The following PLCG2 variants were observed in gnomAD, a reference collection of about 807,000 sequenced individuals.
The protein encoded by PLCG2 is phospholipase C gamma 2, also known as 1-phosphatidylinositol 4,5-bisphosphate phosphodiesterase gamma-2.
PLCG2 carries 69 observed loss-of-function variants against 175.6 expected under a neutral mutation model. The ratio of observed to expected loss-of-function variants is 0.39; its 90% CI spans 0.32 to 0.48. The LOEUF (loss-of-function observed/expected upper bound fraction) is 0.48. Among genes scored for constraint, PLCG2 ranks in the 20% least tolerant of loss-of-function variants. The pLI, the probability that PLCG2 is intolerant of heterozygous loss-of-function variation, is 0.91. For missense variants in PLCG2, 1,798 were observed against 1,650.9 expected (o/e 1.09, Z -1.54); for synonymous variants, 827 against 624.0 (o/e 1.33, Z -4.85).
At chr16:81,780,069 G>C (rs1010978496) in intron 1 of PLCG2, among the ~76,000 whole-genome samples, 1 of 152,140 alleles carries the variant, frequency 6.6e-6, no homozygotes, top group Non-Finnish European at 1.5e-5. Context: ...CGTTTGGACG[G>C]GGAGCTCCTG....
At chr16:81,857,889 G>C (rs1906764019) in intron 3 of PLCG2, 1 of 196,102 alleles carries the variant, frequency 5.1e-6, no homozygotes, top group Non-Finnish European at 1.1e-5. Flanking sequence ...CTTCCCTTGT[G>C]GGATCAATAT....
chr16:81,869,380 G>T (rs1038926633), intron 6 of PLCG2, 82 bp downstream of exon 6: 103 of 976,228 alleles, frequency 1.1e-4, no homozygotes, highest in Non-Finnish European at 3.8e-5. Flanking sequence ...TTGCCTTTGA[G>T]TTCCGTGGAA....
chr16:81,835,593 T>G (rs1188233293), intron 2 of PLCG2, among the ~76,000 whole-genome samples: 1 of 151,610 alleles, frequency 6.6e-6, no homozygotes, highest in Non-Finnish European at 1.5e-5. Flanking sequence ...ATAATAATAA[T>G]AATAATCATA....
At chr16:81,746,458 G>A (rs924170858) in intron 1 of PLCG2, among the ~76,000 whole-genome samples, 2 of 152,220 alleles carry the variant, frequency 1.3e-5, no homozygotes, top group Admixed American at 6.5e-5. Flanking sequence ...CCACAGTGGT[G>A]CCTTCTGGGG....
chr16:81,846,858 C>T (rs1597351869), intron 2 of PLCG2, among the ~76,000 whole-genome samples: 2 of 152,206 alleles, frequency 1.3e-5, no homozygotes, highest in South Asian at 4.2e-4. Flanking sequence ...TTTCCTCTTC[C>T]CTCTGTACTC....
At chr16:81,764,759 C>G (rs1910109453) in intron 2 of PLCG2, among the ~76,000 whole-genome samples, 1 of 152,122 alleles carries the variant, frequency 6.6e-6, no homozygotes, top group Non-Finnish European at 1.5e-5. Context: ...CAGATGTAAT[C>G]AAGTTAATAT....
chr16:81,916,136 CTG>C (rs1491568386), intron 19 of PLCG2, among the ~76,000 whole-genome samples: 3 of 150,982 alleles, frequency 2.0e-5, no homozygotes, highest in African/African-American at 7.4e-5. Flanking sequence ...TTTCTTTCCT[CTG>C]TTTTTTTAGA....
intron 2 of PLCG2, among the ~76,000 whole-genome samples, chr16:81,852,917 G>A (rs1447991709): frequency 2.0e-5 from 3 of 152,076 alleles, no homozygotes; most frequent in African/African-American, 7.2e-5. Context: ...TTCTTCCATG[G>A]CCTCTCCATA....
Sources: gnomAD v4.1 joint callset for allele counts (sites outside exome capture counted in the v4.1 genomes callset) on GRCh38, gnomAD v4.1.1 for gene constraint, MANE v1.5 for transcripts, NCBI Gene and HGNC (gene_info 2026-07-23, HGNC 2026-07-21) for gene names.